XRN1: variants seen among roughly 807,000 people sequenced by gnomAD.
XRN1 encodes strand-exchange protein 1 homolog.
Under a neutral mutation model 222.3 loss-of-function variants are expected in XRN1, and 67 were observed. That is an observed-to-expected ratio of 0.30 (90% confidence interval 0.25 to 0.37). The LOEUF (loss-of-function observed/expected upper bound fraction) is 0.37. Ranked by LOEUF, XRN1 falls within the 10% of genes least tolerant of loss-of-function variation. The pLI, the probability that XRN1 is intolerant of heterozygous loss-of-function variation, is 1.00. For synonymous variants in XRN1, 643 were observed against 652.4 expected (o/e 0.99, Z 0.22); for missense variants, 1,707 against 2,000.2 (o/e 0.85, Z 2.80).
At chr3:142,437,640 T>C (rs1008866355) in intron 1 of XRN1, among the ~76,000 whole-genome samples, 17 of 152,144 alleles carry the variant, frequency 1.1e-4, no homozygotes, top group African/African-American at 3.9e-4. Context: ...TGGGCAAAAA[T>C]GTCTTAAGTA....
chr3:142,386,474 T>A (rs2067504592), intron 20 of XRN1, among the ~76,000 whole-genome samples: 1 of 152,022 alleles, frequency 6.6e-6, no homozygotes, highest in South Asian at 2.1e-4. Flanking sequence ...CAGCACCAAT[T>A]AATGATAAAA....
At chr3:142,431,937 A>G in intron 2 of XRN1, among the ~76,000 whole-genome samples, 1 of 83,030 alleles carries the variant, frequency 1.2e-5, no homozygotes, top group Non-Finnish European at 2.2e-5. Flanking sequence ...AATATATTGT[A>G]TATATTATAT....
At chr3:142,341,782 T>C (rs770678786) in intron 33 of XRN1, among the ~76,000 whole-genome samples, 3 of 152,060 alleles carry the variant, frequency 2.0e-5, no homozygotes, top group Non-Finnish European at 2.9e-5. Flanking sequence ...ATACTTATAT[T>C]AGACAAAATA....
chr3:142,370,716 A>T (rs1242842500), intron 26 of XRN1, 96 bp from the exon 27 acceptor site: 5 of 1,055,258 alleles, frequency 4.7e-6, no homozygotes, highest in Non-Finnish European at 6.6e-6. Context: ...ATAATTAGTC[A>T]CTGAACTTAA....
At chr3:142,418,065 T>C (rs1297533013) in intron 12 of XRN1, 1 of 157,706 alleles carries the variant, frequency 6.3e-6, no homozygotes, top group Non-Finnish European at 1.4e-5. Context: ...TTACAATTTG[T>C]ACTTAATAAT....
At chr3:142,367,143 C>T (rs561206830) in intron 27 of XRN1, among the ~76,000 whole-genome samples, 43 of 152,166 alleles carry the variant, frequency 2.8e-4, no homozygotes, top group African/African-American at 9.9e-4. Flanking sequence ...CAAAATTAGC[C>T]GAGCATGGTG....
intron 30 of XRN1, among the ~76,000 whole-genome samples, chr3:142,357,706 G>A (rs62276409): frequency 0.025 from 3,815 of 151,992 alleles, 74 homozygotes; most frequent in Non-Finnish European, 0.038. Context: ...GGGATTACAG[G>A]CATGAGCCAC....
chr3:142,396,719 T>C (rs779900710), intron 20 of XRN1, among the ~76,000 whole-genome samples: 14 of 152,304 alleles, frequency 9.2e-5, no homozygotes, highest in Admixed American at 2.0e-4. Flanking sequence ...ATGGTATACA[T>C]TTAAAACATT....
chr3:142,347,247 G>A lies in XRN1; in HGVS notation c.3864C>T (p.Asp1288=), dbSNP rs369477712. 5 of 1,601,536 alleles carry A rather than the reference G, an allele frequency of 3.1e-6. No homozygotes were observed. The highest frequency in any genetic ancestry group is 4.3e-6 in the Non-Finnish European group (5 of 1,173,136). ...NSVKYQQRKH[D]PHRKFKEECK... is the part of the protein sequence containing the mutation. The stretch of plus-strand genomic sequence containing the variant: ...TTTAAAACTTACATTTTCTGTGAGG[G>A]TCATGTTTTCTTTGCTGATATTTAA... The change falls in exon 33 of 41, where the codon GAC becomes GAT. Residue 1288 remains aspartate, a synonymous_variant. Transcript: ENST00000392981.
intron 29 of XRN1, among the ~76,000 whole-genome samples, chr3:142,360,559 T>TA (rs1482361855): frequency 1.7e-3 from 251 of 148,976 alleles, no homozygotes; most frequent in African/African-American, 3.7e-3. Flanking sequence ...TGTACTTTTT[T>TA]AAAAAAAAAA....
chr3:142,372,557 C>T (rs1454736506), intron 25 of XRN1, among the ~76,000 whole-genome samples: 1 of 152,186 alleles, frequency 6.6e-6, no homozygotes, highest in East Asian at 1.9e-4. Context: ...GGTTTCTATA[C>T]CTCCTTATAG....
intron 15 of XRN1, among the ~76,000 whole-genome samples, chr3:142,408,953 T>C (rs1226962765): frequency 2.0e-5 from 3 of 152,240 alleles, no homozygotes; most frequent in Non-Finnish European, 2.9e-5. Context: ...TGCCTAATGA[T>C]GTTGAGCACT....
chr3:142,443,438 CTGA>C (rs1204855994), intron 1 of XRN1, among the ~76,000 whole-genome samples: 19 of 146,710 alleles, frequency 1.3e-4, no homozygotes, highest in Non-Finnish European at 2.6e-4. Flanking sequence ...TAGCTCACAC[CTGA>C]TCAATCAGAG....
intron 1 of XRN1, among the ~76,000 whole-genome samples, chr3:142,439,685 A>ACTTGGCAACCTTGTTT (rs2070106199): frequency 6.6e-6 from 1 of 152,092 alleles, no homozygotes; most frequent in Non-Finnish European, 1.5e-5. Context: ...ACTCTACTGA[A>ACTTGGCAACCTTGTTT]CTTGGCAACC....
In XRN1 at chr3:142,414,212, T is replaced by C. The variant is rs1182711467; in HGVS notation, c.1516A>G (p.Lys506Glu). ...AGCTGTTCAAATGGCTTAAAAGGTT[T>C]TCCTAGTTCAAAATGGATTTTGAGT... ...STLKIHFELGKPFKPFEQLLA... is the reference protein window; with the variant it reads ...STLKIHFELGEPFKPFEQLLA... Residue 506 changes from lysine (K) to glutamate (E), a missense_variant, in exon 14 of 41, where the codon AAA (lysine) becomes GAA (glutamate). By Grantham distance (56) the Lys-to-Glu change is moderately conservative. Around this residue, in one of 2 missense-constraint regions of XRN1, gnomAD observed 1,234 missense variants for 1,518.2 expected, o/e 0.81. Transcript: ENST00000392981. 2.6e-5 allele frequency: 42 copies of C among 1,613,902 alleles called. No homozygotes were observed. The highest frequency in any genetic ancestry group is 3.3e-5 in the Non-Finnish European group (39 of 1,179,960).
chr3:142,405,516 C>CT (rs918061983), intron 15 of XRN1, among the ~76,000 whole-genome samples: 11 of 151,940 alleles, frequency 7.2e-5, no homozygotes, highest in Admixed American at 2.0e-4. Flanking sequence ...TTTAAAATAT[C>CT]TTTTTTTTAA....
chr3:142,431,959 T>C lies in XRN1; in HGVS notation c.308+702A>G, dbSNP rs2069608520. ...TGTATATATTATATAATATATTATATATAATATAATATATTGTATATATTA... is the reference window on the plus strand; with the variant it reads ...TGTATATATTATATAATATATTATACATAATATAATATATTGTATATATTA... On this transcript the variant is annotated intron_variant, in intron 2 of 40. Transcript: ENST00000392981. Among the ~76,000 whole-genome samples, 3 of 99,236 alleles carry C rather than the reference T, an allele frequency of 3.0e-5. No individual in the cohort carries two copies. The South Asian group carries it at 7.4e-4, about 25-fold the overall frequency. The allele number at this position is 99,236 out of a possible 152,430, so 65.1% of individuals were successfully genotyped here.
intron 39 of XRN1, among the ~76,000 whole-genome samples, chr3:142,314,141 T>C (rs1030708018): frequency 6.6e-6 from 1 of 152,176 alleles, no homozygotes; most frequent in Non-Finnish European, 1.5e-5. Context: ...TACCATAAAA[T>C]AGAAATTTAC....
intron 20 of XRN1, among the ~76,000 whole-genome samples, chr3:142,386,064 GA>G (rs1443129416): frequency 6.6e-6 from 1 of 151,782 alleles, no homozygotes; most frequent in East Asian, 1.9e-4. Context: ...AAGTTGGTCT[GA>G]AAAAAGTCAT....
Sources: allele counts gnomAD v4.1 joint callset (sites outside exome capture counted in the v4.1 genomes callset), GRCh38; gene constraint gnomAD v4.1.1; regional missense constraint gnomAD v4.1.1; transcripts MANE v1.5; gene names NCBI Gene and HGNC (gene_info 2026-07-23, HGNC 2026-07-21).